DENND5B: variants seen among roughly 807,000 people sequenced by gnomAD.
DENND5B encodes the protein DENN domain containing 5B, also known as DENN domain-containing protein 5B.
A neutral mutation model predicts 140.6 loss-of-function variants in DENND5B; 34 were observed. The ratio of observed to expected loss-of-function variants is 0.24; its 90% CI spans 0.18 to 0.32. The LOEUF (loss-of-function observed/expected upper bound fraction) is 0.32. Among genes scored for constraint, DENND5B ranks in the 10% least tolerant of loss-of-function variants. The pLI is 1.00. For synonymous variants in DENND5B, 551 were observed against 562.1 expected, an observed-to-expected ratio of 0.98 and a Z score of 0.28; for missense variants, 1,142 against 1,560.2, an observed-to-expected ratio of 0.73 and a Z score of 4.52.
At chr12:31,427,179 G>C (rs1311346191) in intron 8 of DENND5B, among the ~76,000 whole-genome samples, 5 of 152,030 alleles carry the variant, frequency 3.3e-5, no homozygotes, top group Non-Finnish European at 7.3e-5. Context: ...TGGGGTTTGT[G>C]GTAACTCTAA....
At chr12:31,545,290 TG>T (rs1243844601) in intron 1 of DENND5B, among the ~76,000 whole-genome samples, 1 of 152,226 alleles carries the variant, frequency 6.6e-6, no homozygotes, top group Non-Finnish European at 1.5e-5. Context: ...GTTTGCTATT[TG>T]GGTATATTGT....
intron 1 of DENND5B, among the ~76,000 whole-genome samples, chr12:31,582,612 A>T (rs1950242061): frequency 1.3e-5 from 2 of 152,218 alleles, no homozygotes; most frequent in Non-Finnish European, 2.9e-5. Flanking sequence ...TTAAATATAT[A>T]ATCTTCTAAA....
intron 1 of DENND5B, among the ~76,000 whole-genome samples, chr12:31,524,097 C>G (rs1309599184): frequency 6.9e-6 from 1 of 145,624 alleles, no homozygotes; most frequent in African/African-American, 2.6e-5. Context: ...TGGCACAATC[C>G]AAGTGGTGAC....
At chr12:31,446,069 G>A (rs1374208875) in intron 6 of DENND5B, among the ~76,000 whole-genome samples, 2 of 152,162 alleles carry the variant, frequency 1.3e-5, no homozygotes, top group East Asian at 1.9e-4. Context: ...AAATACTCAT[G>A]TTGGCTATTA....
intron 14 of DENND5B, among the ~76,000 whole-genome samples, chr12:31,404,013 G>A (rs1365455462): frequency 6.6e-6 from 1 of 151,248 alleles, no homozygotes; most frequent in Non-Finnish European, 1.5e-5. Context: ...TTGCGCTCAG[G>A]AGTTCATGAC....
intron 1 of DENND5B, among the ~76,000 whole-genome samples, chr12:31,568,337 A>G (rs970302969): frequency 2.0e-5 from 3 of 152,182 alleles, no homozygotes; most frequent in East Asian, 1.9e-4. Flanking sequence ...AAAATCCTAA[A>G]TACTTTTGGT....
intron 1 of DENND5B, among the ~76,000 whole-genome samples, chr12:31,540,034 G>A (rs1199240815): frequency 6.6e-6 from 1 of 151,992 alleles, no homozygotes; most frequent in Non-Finnish European, 1.5e-5. Flanking sequence ...AAAGCTGCAG[G>A]ATACAAAATC....
intron 1 of DENND5B, among the ~76,000 whole-genome samples, chr12:31,496,291 G>A (rs1467930506): frequency 6.6e-6 from 1 of 152,116 alleles, no homozygotes; most frequent in Non-Finnish European, 1.5e-5. Context: ...TATGTCTTAT[G>A]ATCCTAAAAT....
chr12:31,422,599 C>T (rs1486994041), intron 11 of DENND5B, among the ~76,000 whole-genome samples: 1 of 152,142 alleles, frequency 6.6e-6, no homozygotes, highest in African/African-American at 2.4e-5. Flanking sequence ...GAGACTCCAT[C>T]TAAAACATTT....
At chr12:31,484,679 T>C (rs1946217372) in intron 2 of DENND5B, among the ~76,000 whole-genome samples, 5 of 152,120 alleles carry the variant, frequency 3.3e-5, no homozygotes, top group Non-Finnish European at 5.9e-5. Flanking sequence ...CATGCACCTG[T>C]AGACCCAGCT....
intron 1 of DENND5B, among the ~76,000 whole-genome samples, chr12:31,507,344 T>C (rs1947242279): frequency 6.6e-6 from 1 of 152,090 alleles, no homozygotes; most frequent in Non-Finnish European, 1.5e-5. Context: ...AAAATAAAAA[T>C]GTTTCTTGGC....
intron 8 of DENND5B, among the ~76,000 whole-genome samples, chr12:31,427,027 CT>C (rs1342215079): frequency 1.1e-4 from 16 of 152,120 alleles, no homozygotes; most frequent in Admixed American, 7.2e-4. Context: ...ACATGCCCCC[CT>C]ACCTCCCCAA....
intron 1 of DENND5B, among the ~76,000 whole-genome samples, chr12:31,566,142 G>T (rs1289054929): frequency 6.6e-6 from 1 of 151,980 alleles, no homozygotes; most frequent in Non-Finnish European, 1.5e-5. Flanking sequence ...TGAAACTCTT[G>T]TCTCAAAAAA....
intron 1 of DENND5B, among the ~76,000 whole-genome samples, chr12:31,520,528 A>T (rs1418942601): frequency 6.6e-6 from 1 of 151,960 alleles, no homozygotes; most frequent in East Asian, 1.9e-4. Flanking sequence ...TATAATTTAA[A>T]TTTTTCTAGT....
At chr12:31,551,221 T>C in intron 1 of DENND5B, among the ~76,000 whole-genome samples, 1 of 152,186 alleles carries the variant, frequency 6.6e-6, no homozygotes. Context: ...CTTTAATCCA[T>C]CTTGAATTAA....
At chr12:31,497,906 T>A (rs1334586818) in intron 1 of DENND5B, among the ~76,000 whole-genome samples, 4 of 9,554 alleles carry the variant, frequency 4.2e-4, no homozygotes, top group African/African-American at 1.4e-3. Context: ...AGGGGAGGGG[T>A]AGGGGCAGGG....
At chr12:31,422,896 T>G (rs1372527196) in intron 11 of DENND5B, among the ~76,000 whole-genome samples, 1 of 152,080 alleles carries the variant, frequency 6.6e-6, no homozygotes, top group Non-Finnish European at 1.5e-5. Flanking sequence ...TTGAGACATA[T>G]GTACATATTT....
intron 17 of DENND5B, chr12:31,396,610 A>C (rs1941486002): frequency 6.6e-6 from 1 of 152,420 alleles, no homozygotes; most frequent in African/African-American, 2.4e-5. Flanking sequence ...AACTATTTAA[A>C]ATTGGCACCA....
At chr12:31,473,292 T>C (rs1945642541) in intron 3 of DENND5B, among the ~76,000 whole-genome samples, 1 of 152,152 alleles carries the variant, frequency 6.6e-6, no homozygotes, top group Non-Finnish European at 1.5e-5. Flanking sequence ...TATTAAAGTG[T>C]TAAGGTTGAT....
Sources: allele counts gnomAD v4.1 joint callset (sites outside exome capture counted in the v4.1 genomes callset), GRCh38; gene constraint gnomAD v4.1.1; transcripts MANE v1.5; gene names NCBI Gene and HGNC (gene_info 2026-07-23, HGNC 2026-07-21).